The following PCDHA4 variants were observed in gnomAD, a reference collection of about 807,000 sequenced individuals.
PCDHA4 encodes protocadherin alpha 4, also known as protocadherin alpha-4.
In PCDHA4, 49 loss-of-function variants were observed where a neutral mutation model predicts 61.4. That is an observed-to-expected ratio of 0.80 (90% CI 0.63 to 1.01). PCDHA4 has a LOEUF of 1.01. Among genes scored for constraint, PCDHA4 ranks in the 50% least tolerant of loss-of-function variants. The pLI, the probability that PCDHA4 is intolerant of heterozygous loss-of-function variation, is 0.00. For missense variants in PCDHA4, 1,254 were observed against 1,235.8 expected (o/e 1.01, Z -0.22); for synonymous variants, 590 against 550.3 (o/e 1.07, Z -1.01).
chr5:140,842,721 A>T lies in PCDHA4; in HGVS notation c.2385+33149A>T, dbSNP rs1554139308. 4 of 1,594,916 alleles carry T rather than the reference A, an allele frequency of 2.5e-6. No individual in the cohort carries two copies. In the South Asian group the frequency reaches 4.4e-5, roughly 18 times the overall value. On this transcript the variant is annotated intron_variant, in intron 1 of 3. Coordinates refer to ENST00000530339, the MANE Select transcript of PCDHA4 (RefSeq NM_018907.4). Reference sequence around the variant, plus strand: ...GAGTACACGGTGTTCGTGAAGGAGAACAACCCGCCGGGCTGCCACATCTTC... The same window carrying T: ...GAGTACACGGTGTTCGTGAAGGAGATCAACCCGCCGGGCTGCCACATCTTC...
At chr5:140,855,178 G>C (rs1170062889) in intron 1 of PCDHA4, among the ~76,000 whole-genome samples, 2 of 149,594 alleles carry the variant, frequency 1.3e-5, no homozygotes, top group African/African-American at 4.9e-5. Flanking sequence ...AAACAAATGT[G>C]GCCAAATTGA....
intron 1 of PCDHA4, among the ~76,000 whole-genome samples, chr5:140,891,557 A>G (rs549418095): frequency 6.6e-6 from 1 of 151,608 alleles, no homozygotes; most frequent in Non-Finnish European, 1.5e-5. Flanking sequence ...TTATTTTAGT[A>G]CTCTAATTAA....
intron 1 of PCDHA4, chr5:140,850,369 G>A (rs2041555140): frequency 1.3e-6 from 2 of 1,597,806 alleles, no homozygotes; most frequent in Admixed American, 1.7e-5. Context: ...TTCCGCGTGG[G>A]GCTGTACACG....
intron 1 of PCDHA4, chr5:140,869,029 A>AT (rs1364344296): frequency 2.6e-6 from 4 of 1,526,350 alleles, no homozygotes; most frequent in Non-Finnish European, 3.5e-6. Flanking sequence ...ATTCAACGAG[A>AT]TTTTTAACCT....
At chr5:140,908,794 C>T (rs1554193480) in intron 1 of PCDHA4, among the ~76,000 whole-genome samples, 1 of 152,142 alleles carries the variant, frequency 6.6e-6, no homozygotes, top group African/African-American at 2.4e-5. Context: ...TTCTGTACTA[C>T]ATTAAAAAGT....
intron 1 of PCDHA4, among the ~76,000 whole-genome samples, chr5:140,947,317 G>A (rs1456422381): frequency 2.0e-5 from 3 of 151,480 alleles, no homozygotes; most frequent in Non-Finnish European, 4.4e-5. Flanking sequence ...TAAAAAGTCG[G>A]TTGACCATAA....
chr5:140,869,157 TCTC>T (rs1201897612), intron 1 of PCDHA4: 2 of 1,613,798 alleles, frequency 1.2e-6, no homozygotes, highest in South Asian at 1.1e-5. Context: ...AGCTCTGGCT[TCTC>T]CTCCTCGAAT....
intron 1 of PCDHA4, chr5:140,852,708 G>A (rs1175249471): frequency 1.0e-6 from 1 of 979,130 alleles, no homozygotes; most frequent in Non-Finnish European, 1.2e-6. Flanking sequence ...AAGTATCTTT[G>A]TCTTTGCACG....
At chr5:140,975,784 A>G (rs1216156931) in intron 1 of PCDHA4, among the ~76,000 whole-genome samples, 1 of 151,914 alleles carries the variant, frequency 6.6e-6, no homozygotes, top group Non-Finnish European at 1.5e-5. Flanking sequence ...CCATTACAAG[A>G]TAAATTAAAT....
At chr5:140,994,704 CA>C (rs1294993555) in intron 3 of PCDHA4, among the ~76,000 whole-genome samples, 1 of 150,730 alleles carries the variant, frequency 6.6e-6, no homozygotes, top group Non-Finnish European at 1.5e-5. Flanking sequence ...GACCCTGTCT[CA>C]AAAAAAAATT....
At chr5:140,952,970 T>C (rs2094826762) in intron 1 of PCDHA4, among the ~76,000 whole-genome samples, 1 of 152,000 alleles carries the variant, frequency 6.6e-6, no homozygotes, top group Non-Finnish European at 1.5e-5. Context: ...TACACACTTT[T>C]AAACAACAAG....
At chr5:140,967,246 G>A in intron 1 of PCDHA4, 1 of 1,613,594 alleles carries the variant, frequency 6.2e-7, no homozygotes, top group Non-Finnish European at 8.5e-7. Context: ...TAAGCGAATC[G>A]GTGGCGCCTG....
At chr5:140,831,548 A>G in intron 1 of PCDHA4, among the ~76,000 whole-genome samples, 1 of 127,154 alleles carries the variant, frequency 7.9e-6, no homozygotes, top group Non-Finnish European at 1.6e-5. Flanking sequence ...TTTTTTTAAG[A>G]GATGGGGTTT....
chr5:140,940,425 G>T (rs2153645742), intron 1 of PCDHA4, among the ~76,000 whole-genome samples: 1 of 152,034 alleles, frequency 6.6e-6, no homozygotes, highest in African/African-American at 2.4e-5. Flanking sequence ...AATTATTACT[G>T]ATCAAGTCTG....
intron 1 of PCDHA4, among the ~76,000 whole-genome samples, chr5:140,918,972 A>G (rs782748846): frequency 6.6e-5 from 10 of 152,184 alleles, no homozygotes; most frequent in Non-Finnish European, 1.3e-4. Flanking sequence ...GATATCGTTT[A>G]GGTTAGTTGG....
At chr5:140,928,699 G>A in intron 1 of PCDHA4, 3 of 1,614,170 alleles carry the variant, frequency 1.9e-6, no homozygotes, top group Non-Finnish European at 2.5e-6. Flanking sequence ...CATCTCCCGG[G>A]CGTCTGACTC....
chr5:140,814,664 A>C (rs2126657660), intron 1 of PCDHA4: 4 of 151,244 alleles, frequency 2.6e-5, no homozygotes, highest in African/African-American at 9.9e-5. Flanking sequence ...CACCACAAAC[A>C]TGTGAGTAAT....
Position 141,004,229 on chromosome 5 carries a change from T to G in PCDHA4, c.2534-5398T>G, listed in dbSNP as rs368330742. On this transcript the variant is annotated intron_variant, in intron 3 of 3. Transcript: ENST00000530339. ...AGATTAGGAGGTCAGTCAGTGTTTG[T>G]CAGATCCTTAAGCTTTTGTTTTACT... Among the ~76,000 whole-genome samples, 5 of 152,250 alleles carry G rather than the reference T, an allele frequency of 3.3e-5. No individual in the cohort carries two copies. The East Asian group carries it at 7.7e-4, about 23-fold the overall frequency.
At chr5:140,882,814 A>T in intron 1 of PCDHA4, 1 of 1,614,248 alleles carries the variant, frequency 6.2e-7, no homozygotes, top group East Asian at 2.2e-5. Context: ...CTTTGGACGC[A>T]CAAAACAGTC....
Sources: allele counts gnomAD v4.1 joint callset (sites outside exome capture counted in the v4.1 genomes callset), GRCh38; gene constraint gnomAD v4.1.1; transcripts MANE v1.5; gene names NCBI Gene and HGNC (gene_info 2026-07-23, HGNC 2026-07-21).